The following COL19A1 variants were observed in gnomAD, a reference collection of about 807,000 sequenced individuals.
The protein encoded by COL19A1 is collagen alpha-1(XIX) chain.
In COL19A1, 159 loss-of-function variants were observed where a neutral mutation model predicts 190.2. That is an observed-to-expected ratio of 0.84 (90% CI 0.73 to 0.95). The LOEUF is 0.95. Among genes scored for constraint, COL19A1 ranks in the 40% least tolerant of loss-of-function variants. The probability of loss-of-function intolerance (pLI) is 0.00; values close to 1 mark genes in which losing one functional copy is unlikely to be tolerated. For synonymous variants in COL19A1, 509 were observed against 458.9 expected, an observed-to-expected ratio of 1.11 and a Z score of -1.39; for missense variants, 1,418 against 1,431.9, an observed-to-expected ratio of 0.99 and a Z score of 0.16.
chr6:70,006,216 G>A (rs111999391), intron 11 of COL19A1, among the ~76,000 whole-genome samples: 1 of 152,230 alleles, frequency 6.6e-6, no homozygotes, highest in African/African-American at 2.4e-5. Flanking sequence ...GCAGGCTTAA[G>A]CAGATTCCAG....
chr6:70,196,070 C>A (rs1426876635), intron 48 of COL19A1, among the ~76,000 whole-genome samples: 1 of 152,180 alleles, frequency 6.6e-6, no homozygotes. Context: ...GAAGTAGTAA[C>A]CACCTTTGGG....
intron 27 of COL19A1, among the ~76,000 whole-genome samples, chr6:70,148,549 G>A (rs1786823447): frequency 6.6e-6 from 1 of 152,206 alleles, no homozygotes; most frequent in South Asian, 2.1e-4. Context: ...GTTATGTTGT[G>A]AATGAGGGTT....
At chr6:69,984,114 T>C (rs1396083768) in intron 11 of COL19A1, among the ~76,000 whole-genome samples, 2 of 152,060 alleles carry the variant, frequency 1.3e-5, no homozygotes, top group African/African-American at 2.4e-5. Context: ...ACATTATGGG[T>C]TTAATTATTT....
chr6:69,888,611 G>A (rs1425109074), intron 2 of COL19A1, among the ~76,000 whole-genome samples: 1 of 151,996 alleles, frequency 6.6e-6, no homozygotes, highest in Non-Finnish European at 1.5e-5. Flanking sequence ...GGCCAACATG[G>A]TGAAACCCAT....
At chr6:69,976,205 T>TATAAC (rs1775704041) in intron 11 of COL19A1, among the ~76,000 whole-genome samples, 1 of 152,232 alleles carries the variant, frequency 6.6e-6, no homozygotes, top group Non-Finnish European at 1.5e-5. Flanking sequence ...GAGCTCTTAG[T>TATAAC]TATCTGCCCT....
intron 12 of COL19A1, among the ~76,000 whole-genome samples, chr6:70,027,786 T>C (rs904926873): frequency 6.6e-5 from 10 of 151,988 alleles, no homozygotes; most frequent in East Asian, 1.9e-4. Context: ...ATAATTTTGA[T>C]TGTGGCCTAA....
At chr6:70,086,291 C>T (rs1320064493) in intron 15 of COL19A1, among the ~76,000 whole-genome samples, 1 of 151,850 alleles carries the variant, frequency 6.6e-6, no homozygotes, top group Non-Finnish European at 1.5e-5. Context: ...GACACACACA[C>T]ACCAAGGATA....
At chr6:69,985,838 T>C (rs1393878896) in intron 11 of COL19A1, among the ~76,000 whole-genome samples, 2 of 152,278 alleles carry the variant, frequency 1.3e-5, no homozygotes, top group East Asian at 3.9e-4. Flanking sequence ...TCAGGGGACA[T>C]CTTAAAAGGC....
At chr6:70,158,396 G>A (rs1583050712) in intron 34 of COL19A1, among the ~76,000 whole-genome samples, 1 of 152,058 alleles carries the variant, frequency 6.6e-6, no homozygotes, top group Non-Finnish European at 1.5e-5. Context: ...AATCTCAAAT[G>A]TCTATTGTAC....
chr6:70,094,288 T>C (rs994073879), intron 15 of COL19A1, among the ~76,000 whole-genome samples: 2 of 152,236 alleles, frequency 1.3e-5, no homozygotes, highest in African/African-American at 4.8e-5. Context: ...AATGTTTTCC[T>C]GTGTAATTAA....
At chr6:70,153,948 G>A (rs1291188602) in intron 31 of COL19A1, among the ~76,000 whole-genome samples, 1 of 152,006 alleles carries the variant, frequency 6.6e-6, no homozygotes, top group Non-Finnish European at 1.5e-5. Context: ...CATGAAGAGA[G>A]CTTTTTCACC....
intron 15 of COL19A1, among the ~76,000 whole-genome samples, chr6:70,094,646 T>C (rs536633684): frequency 1.2e-4 from 19 of 152,320 alleles, no homozygotes; most frequent in African/African-American, 4.3e-4. Context: ...TTAATGCTTC[T>C]AAGAGGGCCA....
intron 24 of COL19A1, 136 bp from the exon 25 acceptor site, chr6:70,144,778 GGTGA>G (rs769452942): frequency 2.3e-4 from 154 of 663,422 alleles, no homozygotes; most frequent in Middle Eastern, 7.4e-4. Context: ...TGAGTGAGTT[GGTGA>G]GTGAGTGAGT....
chr6:70,093,096 GAA>G (rs982232982), intron 15 of COL19A1, among the ~76,000 whole-genome samples: 5 of 152,102 alleles, frequency 3.3e-5, no homozygotes, highest in African/African-American at 1.2e-4. Flanking sequence ...AAGTGAAGGA[GAA>G]AAGTCTTCAT....
chr6:70,174,589 CAT>C lies in COL19A1; in HGVS notation c.2623-1930_2623-1929del, dbSNP rs1310659819. Among the ~76,000 whole-genome samples the C allele has an allele frequency of 2.0e-4, 30 of 151,952 alleles. 1 individual carries two copies. The highest frequency in any genetic ancestry group is 6.0e-4 in the African/African-American group (25 of 41,460). ...AAAAAAAACAAAAAAAACAGGACTA[CAT>C]GTGCTTTTCCAGCCATGTTCAGACA... On this transcript the variant is annotated intron_variant, in intron 41 of 50. Transcript: ENST00000620364.
At chr6:70,122,325 G>A (rs983247891) in intron 17 of COL19A1, among the ~76,000 whole-genome samples, 15 of 152,144 alleles carry the variant, frequency 9.9e-5, no homozygotes, top group East Asian at 9.7e-4. Context: ...TAGGTGTTGC[G>A]CCAAAATCTC....
chr6:70,091,075 G>A (rs1295069330), intron 15 of COL19A1, among the ~76,000 whole-genome samples: 1 of 152,022 alleles, frequency 6.6e-6, no homozygotes, highest in South Asian at 2.1e-4. Context: ...GCCTTACCCT[G>A]CTTTATTTTT....
At chr6:70,205,050 C>T (rs1363363126) in intron 49 of COL19A1, among the ~76,000 whole-genome samples, 1 of 152,162 alleles carries the variant, frequency 6.6e-6, no homozygotes, top group South Asian at 2.1e-4. Flanking sequence ...TATTATGTCA[C>T]ATGTCAAAGC....
At chr6:69,969,408 A>G (rs1775295302) in intron 11 of COL19A1, among the ~76,000 whole-genome samples, 2 of 151,390 alleles carry the variant, frequency 1.3e-5, no homozygotes, top group Admixed American at 1.3e-4. Context: ...TAGCTCAGTG[A>G]TTTTTTTTTG....
Sources: allele counts gnomAD v4.1 joint callset (sites outside exome capture counted in the v4.1 genomes callset), GRCh38; gene constraint gnomAD v4.1.1; transcripts MANE v1.5; gene names NCBI Gene and HGNC (gene_info 2026-07-23, HGNC 2026-07-21).